TCTN2: variants seen among roughly 807,000 people sequenced by gnomAD.
The protein encoded by TCTN2 is tectonic-2.
TCTN2 carries 66 observed loss-of-function variants against 83.4 expected under a neutral mutation model. That is an observed-to-expected ratio of 0.79 (90% CI 0.65 to 0.97). TCTN2 has a LOEUF of 0.97. Ranked by LOEUF, TCTN2 falls within the 50% of genes least tolerant of loss-of-function variation. The pLI, the probability that TCTN2 is intolerant of heterozygous loss-of-function variation, is 0.00. For missense variants in TCTN2, 794 were observed against 858.1 expected (o/e 0.93, Z 0.93); for synonymous variants, 301 against 326.7 (o/e 0.92, Z 0.85).
chr12:123,699,924 C>T lies in TCTN2; in HGVS notation c.1612+114C>T, dbSNP rs1956153024. ...TCATCTTCCTGAGGCTTGACTGCGGCTTAACTGGACGTTTGCCCAGGGGTT... is the reference window on the plus strand; with the variant it reads ...TCATCTTCCTGAGGCTTGACTGCGGTTTAACTGGACGTTTGCCCAGGGGTT... On this transcript the variant is annotated intron_variant, in intron 14 of 17. Transcript: ENST00000303372. 9 of 826,794 alleles carry T rather than the reference C, an allele frequency of 1.1e-5. No individual in the cohort carries two copies. In the South Asian group the frequency reaches 1.1e-4, roughly 10 times the overall value. 51.2% of individuals were successfully genotyped at this position (826,794 alleles called of 1,614,324 possible).
Position 123,692,588 on chromosome 12 carries a change from A to G in TCTN2, c.1034-70A>G, listed in dbSNP as rs552497581. The G allele has an allele frequency of 5.5e-6, 7 of 1,274,760 alleles. No homozygotes were observed. In the East Asian group the frequency reaches 1.6e-4, roughly 29 times the overall value. The allele number at this position is 1,274,760 out of a possible 1,614,324, so 79.0% of individuals were successfully genotyped here. A position where few individuals can be genotyped will look rare whatever the true frequency, so the allele number is the denominator to read the frequency against. ...TCACCATATTTGCTTTGTAAGCTAT[A>G]CTTTGAGTAAGTGTGATCATGGTAG... On this transcript the variant is annotated intron_variant, in intron 8 of 17. Coordinates refer to ENST00000303372, the MANE Select transcript of TCTN2 (RefSeq NM_024809.5).
intron 7 of TCTN2, 63 bp from the exon 8 acceptor site, chr12:123,690,470 T>C: frequency 2.5e-6 from 4 of 1,611,040 alleles, no homozygotes; most frequent in East Asian, 2.2e-5. Flanking sequence ...TAAGGGATGC[T>C]GATCTGTTTT....
chr12:123,693,886 C>G lies in TCTN2; in HGVS notation c.1100-956C>G, dbSNP rs576489278. 5.9e-4 allele frequency among the ~76,000 whole-genome samples: 89 copies of G among 151,708 alleles called. 1 individual carries two copies. In the South Asian group the frequency reaches 0.017, roughly 29 times the overall value. On this transcript the variant is annotated intron_variant, in intron 9 of 17. Coordinates refer to ENST00000303372, the MANE Select transcript of TCTN2 (RefSeq NM_024809.5). ...AGGCTGGAGTGCAATAGGGTGATCT[C>G]AGCTCACTGTACCCTCCACCTCCCA...
At chr12:123,695,142 T>G in intron 10 of TCTN2, 78 bp from the exon 11 acceptor site, 1 of 1,384,828 alleles carries the variant, frequency 7.2e-7, no homozygotes, top group Non-Finnish European at 1.0e-6. Context: ...AATGCAATTT[T>G]AAGGTAAACA....
intron 4 of TCTN2, 36 bp from the exon 5 acceptor site, chr12:123,679,153 T>A (rs752185163): frequency 6.4e-7 from 1 of 1,550,470 alleles, no homozygotes; most frequent in Non-Finnish European, 8.9e-7. Context: ...TCGGAATGTT[T>A]CTTAGCTGAA....
chr12:123,676,187 G>A (rs942875190), intron 4 of TCTN2, among the ~76,000 whole-genome samples: 2 of 152,112 alleles, frequency 1.3e-5, no homozygotes, highest in Admixed American at 6.6e-5. Flanking sequence ...GGCTGAGGTC[G>A]GGGGATCGCT....
At chr12:123,690,501 ATAAATCTGT>A in intron 7 of TCTN2, 23 bp from the exon 8 acceptor site, 2 of 1,614,150 alleles carry the variant, frequency 1.2e-6, no homozygotes, top group Non-Finnish European at 1.7e-6. Flanking sequence ...GAGAGAGGCC[ATAAATCTGT>A]TGGCTTTGCC....
intron 2 of TCTN2, 135 bp downstream of exon 2, chr12:123,671,749 G>A (rs1328950450): frequency 6.5e-6 from 5 of 766,512 alleles, no homozygotes; most frequent in East Asian, 2.7e-5. Context: ...AAAGGATCGG[G>A]CGGCTGCTGT....
At position 123,696,502 on chromosome 12, in the gene TCTN2, C is replaced by A. The variant is rs7298440; in HGVS notation, c.1393+7C>A. The A allele has an allele frequency of 1.9e-6, 3 of 1,612,750 alleles. No individual in the cohort carries two copies. The highest frequency in any genetic ancestry group is 1.7e-6 in the Non-Finnish European group (2 of 1,179,072). ...TTACATCTTTGGCAATCGGGTAATC[C>A]GGTTTGGTCATTATGATTAGCCCTT... On this transcript the variant is annotated splice_region_variant and intron_variant, in intron 12 of 17. Coordinates refer to ENST00000303372, the MANE Select transcript of TCTN2 (RefSeq NM_024809.5).
chr12:123,705,200 G>A (rs1198305415), intron 15 of TCTN2, among the ~76,000 whole-genome samples: 8 of 130,046 alleles, frequency 6.2e-5, no homozygotes, highest in South Asian at 2.4e-4. Flanking sequence ...GTCTTGCTCC[G>A]TCTCCAGGCT....
chr12:123,680,212 C>G (rs976237068), intron 5 of TCTN2, among the ~76,000 whole-genome samples: 3 of 151,376 alleles, frequency 2.0e-5, no homozygotes, highest in Non-Finnish European at 4.4e-5. Flanking sequence ...ATTAGCCAGG[C>G]GTGTTGGTGG....
chr12:123,698,867 A>C (rs1956140389), intron 13 of TCTN2, among the ~76,000 whole-genome samples: 1 of 152,144 alleles, frequency 6.6e-6, no homozygotes, highest in Admixed American at 6.6e-5. Context: ...TCCTGATTAT[A>C]GGTTTTGAGG....
intron 9 of TCTN2, among the ~76,000 whole-genome samples, chr12:123,694,590 G>A (rs927048600): frequency 6.6e-6 from 1 of 152,288 alleles, no homozygotes. Context: ...AGGTGCTGGA[G>A]ATATAGAAAT....
intron 5 of TCTN2, among the ~76,000 whole-genome samples, chr12:123,685,384 G>A (rs1367647114): frequency 2.6e-5 from 4 of 152,098 alleles, no homozygotes; most frequent in Non-Finnish European, 4.4e-5. Flanking sequence ...TGGATCCTTC[G>A]TGAAACAAGG....
intron 5 of TCTN2, among the ~76,000 whole-genome samples, chr12:123,680,666 G>A (rs7969964): frequency 0.36 from 54,154 of 150,588 alleles, 10,201 homozygotes; most frequent in African/African-American, 0.41. Context: ...ACAGGTGTGC[G>A]CCACCACACC....
intron 5 of TCTN2, among the ~76,000 whole-genome samples, chr12:123,684,640 T>A (rs1309341044): frequency 6.6e-6 from 1 of 152,064 alleles, no homozygotes; most frequent in Non-Finnish European, 1.5e-5. Flanking sequence ...CTGCAAGTGA[T>A]CTACCCACCT....
chr12:123,686,880 C>T lies in TCTN2; in HGVS notation c.609C>T (p.Phe203=), dbSNP rs1405913443. 1.2e-6 allele frequency: 2 copies of T among 1,614,234 alleles called. No homozygotes were observed. Among genetic ancestry groups the T allele is most frequent in the African/African-American group, 2.7e-5 (2 of 75,068 alleles). The part of the protein sequence containing the change: ...NLTTLFRRSC[F]TGVFGGDVNP... ...CAACGCTGTTCAGACGGTCCTGCTT[C>T]ACCGGCGTGTTTGGAGGAGACGTCA... The change falls in exon 6 of 18, where the codon TTC becomes TTT. Residue 203 remains phenylalanine, a synonymous_variant. Coordinates refer to ENST00000303372, the MANE Select transcript of TCTN2 (RefSeq NM_024809.5).
chr12:123,673,507 T>C (rs1000083310), intron 3 of TCTN2, 108 bp from the exon 4 acceptor site: 7 of 1,119,312 alleles, frequency 6.3e-6, no homozygotes, highest in Non-Finnish European at 9.4e-6. Context: ...ATTTCCCTTT[T>C]ATAAAATGAA....
chr12:123,686,205 C>T (rs1398911284), intron 5 of TCTN2, among the ~76,000 whole-genome samples: 1 of 151,978 alleles, frequency 6.6e-6, no homozygotes, highest in Non-Finnish European at 1.5e-5. Flanking sequence ...CACCACCACA[C>T]CCGGCTAATT....
Sources: gnomAD v4.1 joint callset for allele counts (sites outside exome capture counted in the v4.1 genomes callset) on GRCh38, gnomAD v4.1.1 for gene constraint, MANE v1.5 for transcripts, NCBI Gene and HGNC (gene_info 2026-07-23, HGNC 2026-07-21) for gene names.